NEBL: variants seen among roughly 807,000 people sequenced by gnomAD.
The protein encoded by NEBL is nebulette.
NEBL carries 122 observed loss-of-function variants against 140.2 expected under a neutral mutation model. The observed-to-expected ratio is 0.87, with a 90% CI of 0.75 to 1.01. The LOEUF is 1.01. NEBL is among the 50% of genes least tolerant of loss of function. The pLI is 0.00. For synonymous variants in NEBL, 436 were observed against 398.9 expected (o/e 1.09, Z -1.11); for missense variants, 1,365 against 1,231.3 (o/e 1.11, Z -1.62).
intron 3 of NEBL, among the ~76,000 whole-genome samples, chr10:21,181,359 GA>G (rs914823203): frequency 3.8e-4 from 54 of 140,680 alleles, no homozygotes; most frequent in Middle Eastern, 3.6e-3. Context: ...AAACAGAGAT[GA>G]AAAAAAAAAA....
intron 4 of NEBL, among the ~76,000 whole-genome samples, chr10:20,906,636 G>A (rs774144172): frequency 6.2e-4 from 95 of 152,058 alleles, no homozygotes; most frequent in Non-Finnish European, 8.8e-4. Flanking sequence ...TTATTTGTGT[G>A]AGGGTGTGTG....
At chr10:20,942,691 C>T (rs1460771126) in intron 4 of NEBL, among the ~76,000 whole-genome samples, 3 of 152,178 alleles carry the variant, frequency 2.0e-5, no homozygotes, top group Non-Finnish European at 4.4e-5. Flanking sequence ...ATCTACTCAT[C>T]TGACAAAGGG....
At chr10:21,027,904 A>G (rs533155206) in intron 2 of NEBL, among the ~76,000 whole-genome samples, 1 of 152,092 alleles carries the variant, frequency 6.6e-6, no homozygotes, top group Non-Finnish European at 1.5e-5. Context: ...TGGTTGTTTT[A>G]TGTCATTCAA....
intron 2 of NEBL, among the ~76,000 whole-genome samples, chr10:21,073,785 C>T (rs534076352): frequency 7.4e-4 from 112 of 151,056 alleles, no homozygotes; most frequent in Non-Finnish European, 1.3e-3. Flanking sequence ...CTATGAAATG[C>T]CTACTATAGC....
At chr10:20,811,994 T>A (rs923849730) in intron 24 of NEBL, among the ~76,000 whole-genome samples, 1 of 152,196 alleles carries the variant, frequency 6.6e-6, no homozygotes, top group Admixed American at 6.5e-5. Flanking sequence ...AAGGAACAGA[T>A]AGCAGGAATA....
At chr10:20,990,027 A>G (rs1157335623) in intron 3 of NEBL, among the ~76,000 whole-genome samples, 3 of 152,200 alleles carry the variant, frequency 2.0e-5, no homozygotes, top group Non-Finnish European at 4.4e-5. Flanking sequence ...GATATCTTGA[A>G]GTATTATTTA....
At chr10:20,847,061 C>T (rs1172404147) in intron 11 of NEBL, among the ~76,000 whole-genome samples, 1 of 152,094 alleles carries the variant, frequency 6.6e-6, no homozygotes, top group Non-Finnish European at 1.5e-5. Context: ...TTAAGTTTAC[C>T]TGTAAGAGGT....
chr10:21,100,137 C>A (rs1366782828), intron 2 of NEBL, among the ~76,000 whole-genome samples: 1 of 152,168 alleles, frequency 6.6e-6, no homozygotes, highest in Non-Finnish European at 1.5e-5. Context: ...GCCCGGCCAT[C>A]ACATTCTATT....
chr10:21,088,569 A>G (rs1485907256), intron 2 of NEBL, among the ~76,000 whole-genome samples: 1 of 152,084 alleles, frequency 6.6e-6, no homozygotes, highest in African/African-American at 2.4e-5. Context: ...TCCTATGGCC[A>G]CTCTGAGTGC....
At chr10:20,907,179 G>A (rs1374575662) in intron 4 of NEBL, among the ~76,000 whole-genome samples, 4 of 152,024 alleles carry the variant, frequency 2.6e-5, no homozygotes, top group African/African-American at 4.8e-5. Context: ...TTAAGATAAT[G>A]ATCTCAGGGT....
At chr10:21,111,507 A>T (rs1304999601) in intron 2 of NEBL, among the ~76,000 whole-genome samples, 2 of 151,904 alleles carry the variant, frequency 1.3e-5, no homozygotes, top group Non-Finnish European at 2.9e-5. Flanking sequence ...GCCCTATTTA[A>T]TAAATGCTGC....
intron 5 of NEBL, among the ~76,000 whole-genome samples, chr10:20,879,727 A>G (rs1301390343): frequency 6.6e-6 from 1 of 152,150 alleles, no homozygotes; most frequent in African/African-American, 2.4e-5. Flanking sequence ...TTCTTGACCC[A>G]AAAAAGATAG....
intron 2 of NEBL, among the ~76,000 whole-genome samples, chr10:21,031,098 GA>G (rs888218336): frequency 2.0e-5 from 3 of 152,248 alleles, no homozygotes; most frequent in African/African-American, 7.2e-5. Context: ...TGTCTTCGTG[GA>G]TGTCTGTCCC....
chr10:21,114,567 T>A (rs1044071869), intron 2 of NEBL, among the ~76,000 whole-genome samples: 4 of 152,086 alleles, frequency 2.6e-5, no homozygotes, highest in Non-Finnish European at 4.4e-5. Context: ...CTTCTTTCAG[T>A]TTAGGATTAG....
chr10:21,160,643 G>GT, intron 2 of NEBL, among the ~76,000 whole-genome samples: 1 of 114,534 alleles, frequency 8.7e-6, no homozygotes, highest in South Asian at 3.0e-4. Flanking sequence ...AGATAGTGGG[G>GT]TTGGGGAGGG....
chr10:21,255,205 T>C (rs1235561381), intron 1 of NEBL, among the ~76,000 whole-genome samples: 1 of 152,062 alleles, frequency 6.6e-6, no homozygotes, highest in African/African-American at 2.4e-5. Context: ...GTGTAACCCA[T>C]GAGTGGCACA....
chr10:20,949,681 T>C (rs1325023235), intron 4 of NEBL, among the ~76,000 whole-genome samples: 1 of 152,222 alleles, frequency 6.6e-6, no homozygotes, highest in African/African-American at 2.4e-5. Context: ...CACTCTTCTA[T>C]ACTTGAACAT....
At chr10:20,812,026 A>G (rs1278512789) in intron 24 of NEBL, among the ~76,000 whole-genome samples, 3 of 152,314 alleles carry the variant, frequency 2.0e-5, no homozygotes, top group African/African-American at 7.2e-5. Flanking sequence ...TCTTAATTGC[A>G]AGACTTTCAG....
chr10:21,276,292 C>T (rs1389573886), intron 1 of NEBL, among the ~76,000 whole-genome samples: 1 of 152,082 alleles, frequency 6.6e-6, no homozygotes, highest in Non-Finnish European at 1.5e-5. Context: ...CCTTTCTGTG[C>T]TTATAAAAAC....
Sources: gnomAD v4.1 joint callset for allele counts (sites outside exome capture counted in the v4.1 genomes callset) on GRCh38, gnomAD v4.1.1 for gene constraint, MANE v1.5 for transcripts, NCBI Gene and HGNC (gene_info 2026-07-23, HGNC 2026-07-21) for gene names.